AGAP1: variants seen among roughly 807,000 people sequenced by gnomAD.
The protein encoded by AGAP1 is arf-GAP with GTPase, ANK repeat and PH domain-containing protein 1.
In AGAP1, 29 loss-of-function variants were observed where a neutral mutation model predicts 105.3. The observed-to-expected ratio is 0.28, with a 90% CI of 0.21 to 0.38. The LOEUF is 0.38. Among genes scored for constraint, AGAP1 ranks in the 10% least tolerant of loss-of-function variants. The pLI, the probability that AGAP1 is intolerant of heterozygous loss-of-function variation, is 1.00. For synonymous variants in AGAP1, 509 were observed against 485.9 expected, an observed-to-expected ratio of 1.05 and a Z score of -0.63; for missense variants, 998 against 1,165.1, an observed-to-expected ratio of 0.86 and a Z score of 2.09.
chr2:235,914,925 G>A (rs899789787), intron 11 of AGAP1, among the ~76,000 whole-genome samples: 2 of 152,194 alleles, frequency 1.3e-5, no homozygotes, highest in Non-Finnish European at 2.9e-5. Flanking sequence ...CTTTTGATGT[G>A]GATGCTGGTG....
Position 235,729,009 on chromosome 2 carries a change from G to A in AGAP1, c.310+11365G>A, listed in dbSNP as rs1047040575. Reference sequence around the variant, plus strand: ...CTTCCATGTCCCAGGGACGGAGAGAGGAGAAGTGGGGTTGGCCAGGCAGAG... The same window carrying A: ...CTTCCATGTCCCAGGGACGGAGAGAAGAGAAGTGGGGTTGGCCAGGCAGAG... On this transcript the variant is annotated intron_variant, in intron 3 of 17. Coordinates refer to ENST00000304032, the MANE Select transcript of AGAP1 (RefSeq NM_001037131.3). The surrounding 1 kb of genome is among the most constrained non-coding windows in gnomAD (Gnocchi z 5.0). Among the ~76,000 whole-genome samples the A allele has an allele frequency of 1.3e-5, 2 of 151,648 alleles. No homozygotes were observed. The highest frequency in any genetic ancestry group is 4.9e-5 in the African/African-American group (2 of 40,942).
chr2:235,647,364 A>G (rs1947427196), intron 1 of AGAP1, among the ~76,000 whole-genome samples: 1 of 152,102 alleles, frequency 6.6e-6, no homozygotes, highest in South Asian at 2.1e-4. Flanking sequence ...TGCTTTATAG[A>G]GGTTTTTAGA....
At chr2:235,656,755 G>C (rs1256469846) in intron 1 of AGAP1, among the ~76,000 whole-genome samples, 1 of 152,160 alleles carries the variant, frequency 6.6e-6, no homozygotes, top group African/African-American at 2.4e-5. Context: ...CCCTTCTGTA[G>C]AAGTAACTTG....
chr2:235,667,586 G>A (rs1456254613), intron 1 of AGAP1, among the ~76,000 whole-genome samples: 1 of 152,158 alleles, frequency 6.6e-6, no homozygotes, highest in Non-Finnish European at 1.5e-5. Context: ...TGGGCGCTAG[G>A]CTGTCATTCT....
intron 5 of AGAP1, among the ~76,000 whole-genome samples, chr2:235,749,379 TA>T (rs372905216): frequency 0.017 from 2,426 of 140,740 alleles, 40 homozygotes; most frequent in South Asian, 0.043. Context: ...CAGCTGAGCT[TA>T]AAAAAAAAAA....
In AGAP1 at chr2:235,865,312, C is replaced by T. The variant is rs548948169; in HGVS notation, c.1051-18033C>T. 1.8e-4 allele frequency among the ~76,000 whole-genome samples: 28 copies of T among 152,268 alleles called. No individual in the cohort carries two copies. The East Asian group carries it at 5.2e-3, about 28-fold the overall frequency. On this transcript the variant is annotated intron_variant, in intron 9 of 17. Transcript: ENST00000304032. The surrounding 1 kb of genome is among the most constrained non-coding windows in gnomAD (Gnocchi z 6.2). Reference sequence around the variant, plus strand: ...CTCAGCAGTGAGGTAGGAATAGACGCGGCTAATGACAGGAAGGTCGCGCGG... The same window carrying T: ...CTCAGCAGTGAGGTAGGAATAGACGTGGCTAATGACAGGAAGGTCGCGCGG...
intron 15 of AGAP1, among the ~76,000 whole-genome samples, chr2:236,048,298 G>A (rs1251939583): frequency 6.6e-6 from 1 of 152,174 alleles, no homozygotes; most frequent in African/African-American, 2.4e-5. Flanking sequence ...CCAGTTCTGG[G>A]GTCCCAGTGC....
intron 1 of AGAP1, among the ~76,000 whole-genome samples, chr2:235,702,983 A>C (rs1950334388): frequency 8.0e-6 from 1 of 124,702 alleles, no homozygotes; most frequent in Non-Finnish European, 1.6e-5. Context: ...GCTGGAGTGC[A>C]GTGGCGCAAT....
chr2:235,750,058 T>C lies in AGAP1; in HGVS notation c.539-296T>C, dbSNP rs1227186266. Among the ~76,000 whole-genome samples, 2 of 152,194 alleles carry C rather than the reference T, an allele frequency of 1.3e-5. No individual in the cohort carries two copies. The highest frequency in any genetic ancestry group is 2.9e-5 in the Non-Finnish European group (2 of 68,048). ...TAGGGACTGTGTGTGTGGTTTTTCC[T>C]CCTTTCTAAAGTATGTATCCTCTAG... On this transcript the variant is annotated intron_variant, in intron 5 of 17. Coordinates refer to ENST00000304032, the MANE Select transcript of AGAP1 (RefSeq NM_001037131.3). This position sits in a 1 kb window ranked among gnomAD's most constrained non-coding sequence, Gnocchi z 5.3.
In AGAP1 at chr2:235,654,788, A is replaced by G. The variant is rs573253347; in HGVS notation, c.164-54391A>G. 5.9e-5 allele frequency among the ~76,000 whole-genome samples: 9 copies of G among 152,274 alleles called. No individual in the cohort carries two copies. The East Asian group carries it at 1.7e-3, about 29-fold the overall frequency. The stretch of plus-strand genomic sequence containing the variant: ...TAATTTCATCAGAAAGGTCTCCATC[A>G]CTAGTCTCTGCTTTATTTTCACGTA... On this transcript the variant is annotated intron_variant, in intron 1 of 17. Transcript: ENST00000304032.
chr2:235,837,937 C>T lies in AGAP1; in HGVS notation c.1050+30606C>T, dbSNP rs180813919. Among the ~76,000 whole-genome samples, 245 of 152,242 alleles carry T rather than the reference C, an allele frequency of 1.6e-3. 1 individual carries two copies. The highest frequency in any genetic ancestry group is 2.8e-3 in the Non-Finnish European group (190 of 68,010). On this transcript the variant is annotated intron_variant, in intron 9 of 17. Transcript: ENST00000304032. ...GTGGCTCACACCTGTAGTCCCAGCA[C>T]TTTGGGAGGCTGAGGTGGGTAGATC...
chr2:235,567,738 C>G (rs1004799172), intron 1 of AGAP1, among the ~76,000 whole-genome samples: 8 of 14,698 alleles, frequency 5.4e-4, no homozygotes, highest in Admixed American at 2.0e-3. Context: ...GAACGTGGCA[C>G]TGGGGGGTGG....
At chr2:235,828,126 A>G (rs976269136) in intron 9 of AGAP1, among the ~76,000 whole-genome samples, 2 of 152,170 alleles carry the variant, frequency 1.3e-5, no homozygotes, top group African/African-American at 4.8e-5. Context: ...GCTTGTTCTC[A>G]TGTTTCTGGG....
intron 8 of AGAP1, among the ~76,000 whole-genome samples, chr2:235,802,258 A>C (rs1377855551): frequency 6.6e-6 from 1 of 152,186 alleles, no homozygotes; most frequent in Non-Finnish European, 1.5e-5. Context: ...ACACAGGTGC[A>C]CTTACAGGCA....
chr2:235,661,662 G>A (rs998493314), intron 1 of AGAP1, among the ~76,000 whole-genome samples: 1 of 152,056 alleles, frequency 6.6e-6, no homozygotes, highest in Admixed American at 6.5e-5. Flanking sequence ...AGCATCTCAG[G>A]GTGGGGTCAG....
rs377244396 is a variant in AGAP1, at chr2:235,717,679, A to T, written c.310+35A>T. On this transcript the variant is annotated intron_variant, in intron 3 of 17. Transcript: ENST00000304032. ...TTGGCAGGCAGTTGCAAACTTAAGA[A>T]TGTAGTTTTTTAAAATTTTTCCTTA... The T allele has an allele frequency of 3.2e-6, 5 of 1,562,808 alleles. No individual in the cohort carries two copies. In the African/African-American group the frequency reaches 6.9e-5, roughly 22 times the overall value.
chr2:236,069,289 T>C lies in AGAP1; in HGVS notation c.2114+20008T>C, dbSNP rs540176497. Among the ~76,000 whole-genome samples, 393 of 152,216 alleles carry C rather than the reference T, an allele frequency of 2.6e-3. 2 individuals carry two copies. The highest frequency in any genetic ancestry group is 4.2e-3 in the Non-Finnish European group (283 of 67,988). ...ATGCAATGTAAATATACATACGTTA[T>C]GATGTATAATTGAATATATATCATA... is the stretch of plus-strand genomic sequence containing the variant. On this transcript the variant is annotated intron_variant, in intron 16 of 17. Transcript: ENST00000304032.
chr2:235,743,324 T>C (rs566727830), intron 4 of AGAP1, among the ~76,000 whole-genome samples: 6 of 152,302 alleles, frequency 3.9e-5, no homozygotes, highest in Non-Finnish European at 8.8e-5. Flanking sequence ...GGGTGGATGC[T>C]CAGATGGGCT....
At chr2:235,850,359 C>T (rs561671796) in intron 9 of AGAP1, among the ~76,000 whole-genome samples, 76 of 152,352 alleles carry the variant, frequency 5.0e-4, no homozygotes, top group Middle Eastern at 3.4e-3. Context: ...TCTACTAATG[C>T]GTGGCCTTTC....
Sources: gnomAD v4.1 joint callset for allele counts (sites outside exome capture counted in the v4.1 genomes callset) on GRCh38, gnomAD v4.1.1 for gene constraint, Gnocchi (gnomAD v3.1) non-coding constraint, MANE v1.5 for transcripts, NCBI Gene and HGNC (gene_info 2026-07-23, HGNC 2026-07-21) for gene names.